The following C1R variants were observed in gnomAD, a reference collection of about 807,000 sequenced individuals.
C1R encodes complement C1r, also known as complement C1r subcomponent.
Under a neutral mutation model 27.6 loss-of-function variants are expected in C1R, and 15 were observed. The ratio of observed to expected loss-of-function variants is 0.54; its 90% CI spans 0.36 to 0.84. C1R has a LOEUF of 0.84. Ranked by LOEUF, C1R falls within the 40% of genes least tolerant of loss-of-function variation. The pLI, the probability that C1R is intolerant of heterozygous loss-of-function variation, is 0.01. For synonymous variants in C1R, 253 were observed against 228.8 expected (o/e 1.11, Z -0.95); for missense variants, 544 against 577.9 (o/e 0.94, Z 0.60).
chr12:7,089,997 T>G, intron 3 of C1R, 59 bp downstream of exon 3: 1 of 711,598 alleles, frequency 1.4e-6, no homozygotes, highest in Non-Finnish European at 2.6e-6. Flanking sequence ...TTCCCTTTCT[T>G]GGCCCCCCAT....
intron 2 of C1R, chr12:7,090,470 T>G: frequency 3.6e-6 from 2 of 553,632 alleles, no homozygotes; most frequent in Non-Finnish European, 6.4e-6. Flanking sequence ...TGTCCTGGAC[T>G]GGGTACCTCA....
intron 5 of C1R, 49 bp from the exon 6 acceptor site, chr12:7,089,035 A>G: frequency 2.9e-6 from 2 of 685,202 alleles, no homozygotes; most frequent in Non-Finnish European, 5.3e-6. Context: ...GTTTTTACAC[A>G]GGGCCAACTG....
At position 7,089,003 on chromosome 12, in the gene C1R, G is replaced by GTT. The variant is rs377237263; in HGVS notation, c.769-19_769-18dup. 7.9e-5 allele frequency: 44 copies of GTT among 558,258 alleles called. No homozygotes were observed. Among genetic ancestry groups the GTT allele is most frequent in the South Asian group, 1.5e-4 (7 of 48,226 alleles). 34.6% of individuals were successfully genotyped at this position (558,258 alleles called of 1,614,324 possible). A position where few individuals can be genotyped will look rare whatever the true frequency, so the allele number is the denominator to read the frequency against. ...GGCATAGATCTAGTAGGGGAGGAGG[G>GTT]TTTTTTTTTTTCAGCTTGGACGTTT... On this transcript the variant is annotated splice_polypyrimidine_tract_variant and intron_variant, in intron 5 of 10. Transcript: ENST00000647956.
rs1266984196 is a variant in C1R at position 7,082,045 on chromosome 12, A to G, written c.1335T>C (p.Pro445=). 6.5e-7 allele frequency: 1 copy of G among 1,537,170 alleles called. No homozygotes were observed. The highest frequency in any genetic ancestry group is 1.2e-5 in the South Asian group (1 of 84,058). Residue 445 remains proline, a synonymous_variant, in exon 10 of 11, where the codon CCT becomes CCC. Coordinates refer to ENST00000647956, the MANE Select transcript of C1R (RefSeq NM_001733.7). ...WKNEQKGEKI[P]RCLPVCGKPV... Reference sequence around the variant, plus strand: ...GTTTCCACTCACCTGGCAAGCACCGAGGAATCTTCTCTCCCTTCTGTTCAT... The same window carrying G: ...GTTTCCACTCACCTGGCAAGCACCGGGGAATCTTCTCTCCCTTCTGTTCAT...
In C1R at chr12:7,091,859, G is replaced by C; in HGVS notation, c.3-179C>G. 1.4e-6 allele frequency: 1 copy of C among 698,228 alleles called. No individual in the cohort carries two copies. Among genetic ancestry groups the C allele is most frequent in the South Asian group, 1.5e-5 (1 of 66,676 alleles). 43.3% of individuals were successfully genotyped at this position (698,228 alleles called of 1,614,324 possible). On this transcript the variant is annotated intron_variant, in intron 1 of 10. Transcript: ENST00000647956. This position sits in a 1 kb window ranked among gnomAD's most constrained non-coding sequence, Gnocchi z 5.1. Reference sequence around the variant, plus strand: ...GTGGGTGGGGAGGATGGCCTGTGCAGCTGCTGCATCGGGTCACTCTCCAGG... The same window carrying C: ...GTGGGTGGGGAGGATGGCCTGTGCACCTGCTGCATCGGGTCACTCTCCAGG...
chr12:7,090,151 T>G lies in C1R; in HGVS notation c.329A>C (p.Asn110Thr), dbSNP rs1938240541. ...PGKKEFMSQGNKMLLTFHTDF... is the reference protein window; with the variant it reads ...PGKKEFMSQGTKMLLTFHTDF... ...TGTGTGGAAGGTCAGCAGCATCTTG[T>G]TCCCTTGGGACATAAATTCCTTCTT... Residue 110 changes from asparagine (N) to threonine (T), a missense_variant, in exon 3 of 11, where the codon AAC becomes ACC. Physicochemically the swap from Asn to Thr is moderately conservative, Grantham distance 65. This residue lies in a region of C1R where 291 missense variants were observed against 209.0 expected (regional missense o/e 1.39). Transcript: ENST00000647956. 1 of 773,784 alleles carries G rather than the reference T, an allele frequency of 1.3e-6. No individual in the cohort carries two copies. The highest frequency in any genetic ancestry group is 1.7e-5 in the African/African-American group (1 of 59,028). The allele number at this position is 773,784 out of a possible 1,614,324, so 47.9% of individuals were successfully genotyped here.
intron 10 of C1R, among the ~76,000 whole-genome samples, chr12:7,081,547 C>G (rs928941033): frequency 6.6e-6 from 1 of 151,328 alleles, no homozygotes; most frequent in Non-Finnish European, 1.5e-5. Context: ...GGCTGGCATG[C>G]AGTGGCGCGA....
intron 5 of C1R, 133 bp downstream of exon 5, chr12:7,089,160 T>G (rs778432289): frequency 1.1e-4 from 73 of 645,654 alleles, no homozygotes; most frequent in African/African-American, 9.5e-4. Context: ...GTGTGGGAAC[T>G]TACCCAGCCC....
chr12:7,087,510 T>G (rs1938174001), intron 7 of C1R: 1 of 154,430 alleles, frequency 6.5e-6, no homozygotes, highest in Non-Finnish European at 1.5e-5. Context: ...CCGTGTGACT[T>G]GCTTTAAATT....
intron 2 of C1R, 48 bp from the exon 3 acceptor site, chr12:7,090,296 G>A (rs781338592): frequency 3.3e-5 from 23 of 695,516 alleles, no homozygotes; most frequent in South Asian, 2.8e-4. Context: ...TTGCGGAGTG[G>A]CGCACGTGGT....
rs377152530 is a variant in C1R at position 7,082,553 on chromosome 12, G to C, written c.1274-447C>G. On this transcript the variant is annotated intron_variant, in intron 9 of 10. Coordinates refer to ENST00000647956, the MANE Select transcript of C1R (RefSeq NM_001733.7). ...TCACCGTGTTAGCCAGGATGGTCTCGATCTCCTGACCTCGTGATCCACCTG... is the reference window on the plus strand; with the variant it reads ...TCACCGTGTTAGCCAGGATGGTCTCCATCTCCTGACCTCGTGATCCACCTG... Among the ~76,000 whole-genome samples the C allele has an allele frequency of 1.6e-3, 240 of 152,158 alleles. 7 individuals carry two copies. In the East Asian group the frequency reaches 0.042, roughly 26 times the overall value.
At chr12:7,090,925 C>T (rs761437828) in intron 2 of C1R, among the ~76,000 whole-genome samples, 217 of 152,316 alleles carry the variant, frequency 1.4e-3, no homozygotes, top group African/African-American at 4.9e-3. Context: ...GTTGGACCTT[C>T]GCAGGCTCTG....
rs751803218 is a variant in C1R at position 7,090,257 on chromosome 12, A to C, written c.232-9T>G. ...TTCTTATCAGCAGAGATCTGGTGGA[A>C]GAAGGACAGGGGGTAGGAAGAAGAT... is the stretch of plus-strand genomic sequence containing the variant. On this transcript the variant is annotated splice_polypyrimidine_tract_variant and intron_variant, in intron 2 of 10. Coordinates refer to ENST00000647956, the MANE Select transcript of C1R (RefSeq NM_001733.7). 1 of 723,932 alleles carries C rather than the reference A, an allele frequency of 1.4e-6. No homozygotes were observed. Among genetic ancestry groups the C allele is most frequent in the Non-Finnish European group, 2.6e-6 (1 of 387,488 alleles). The allele number at this position is 723,932 out of a possible 1,614,324, so 44.8% of individuals were successfully genotyped here.
rs1204647819 is a variant in C1R at position 7,081,002 on chromosome 12, C to T, written c.1648G>A (p.Glu550Lys). ...VSVHPDYRQD[E>K]SYNFEGDIAL... ...ATGTCCCCCTCAAAATTGTAGGACT[C>T]ATCCTGACGGTAGTCCGGGTGGACG... Residue 550 changes from glutamate to lysine, a missense_variant, in exon 11 of 11, where the codon GAG becomes AAG. Glu to Lys is a moderately conservative substitution (Grantham distance 56). Around this residue, in one of 2 missense-constraint regions of C1R, gnomAD observed 253 missense variants for 368.9 expected, o/e 0.69. Transcript: ENST00000647956. 1.5e-5 allele frequency: 25 copies of T among 1,614,060 alleles called. No individual in the cohort carries two copies. Among genetic ancestry groups the T allele is most frequent in the East Asian group, 2.2e-5 (1 of 44,884 alleles).
chr12:7,089,996 T>C (rs1329527789), intron 3 of C1R, 60 bp downstream of exon 3: 10 of 710,842 alleles, frequency 1.4e-5, no homozygotes, highest in Non-Finnish European at 2.6e-5. Context: ...ATTCCCTTTC[T>C]TGGCCCCCCA....
chr12:7,088,412 G>C, intron 7 of C1R, 198 bp downstream of exon 7: 1 of 702,796 alleles, frequency 1.4e-6, no homozygotes, highest in Non-Finnish European at 2.6e-6. Context: ...TGAATGAATG[G>C]GCTCAAGCAA....
chr12:7,080,254 A>G lies in C1R; in HGVS notation c.*278T>C. On this transcript the variant is annotated 3_prime_UTR_variant, in exon 11 of 11. Coordinates refer to ENST00000647956, the MANE Select transcript of C1R (RefSeq NM_001733.7). This position sits in a 1 kb window ranked among gnomAD's most constrained non-coding sequence, Gnocchi z 4.9. The stretch of plus-strand genomic sequence containing the variant: ...CATAAAACTTTATTTGGAAAAAGTT[A>G]TATTCAATGACCCAATGGTATCAAA... 2 of 1,104,592 alleles carry G rather than the reference A, an allele frequency of 1.8e-6. No homozygotes were observed. Among genetic ancestry groups the G allele is most frequent in the Non-Finnish European group, 2.2e-6 (2 of 905,962 alleles). 68.4% of individuals were successfully genotyped at this position (1,104,592 alleles called of 1,614,324 possible).
intron 9 of C1R, among the ~76,000 whole-genome samples, chr12:7,084,829 AATGGTGTTGGTAATAGTGGTGGTG>A (rs1446778472): frequency 7.6e-6 from 1 of 132,116 alleles, no homozygotes; most frequent in African/African-American, 3.1e-5. Context: ...TGGTGTTGGT[AATGGTGTTGGTAATAGTGGTGGTG>A]ATGGTGTTGG....
chr12:7,086,653 A>C, intron 7 of C1R, 196 bp from the exon 8 acceptor site: 1 of 382,018 alleles, frequency 2.6e-6, no homozygotes. Flanking sequence ...AGACAGGAGC[A>C]TTGAGCCACA....
Sources: gnomAD v4.1 joint callset for allele counts (sites outside exome capture counted in the v4.1 genomes callset) on GRCh38, gnomAD v4.1.1 for gene constraint, gnomAD v4.1.1 regional missense constraint, Gnocchi (gnomAD v3.1) non-coding constraint, MANE v1.5 for transcripts, NCBI Gene and HGNC (gene_info 2026-07-23, HGNC 2026-07-21) for gene names.